Variants in SCN8A observed in about 807,000 individuals in gnomAD.
The protein encoded by SCN8A is sodium channel protein type 8 subunit alpha.
SCN8A carries 30 observed loss-of-function variants against 184.1 expected under a neutral mutation model. The observed-to-expected ratio is 0.16, with a 90% CI of 0.12 to 0.22. SCN8A has a LOEUF of 0.22. SCN8A is among the 10% of genes least tolerant of loss of function. The probability of loss-of-function intolerance (pLI) is 1.00; values close to 1 mark genes in which losing one functional copy is unlikely to be tolerated. For synonymous variants in SCN8A, 852 were observed against 907.0 expected (o/e 0.94, Z 1.09); for missense variants, 1,057 against 2,498.9 (o/e 0.42, Z 12.30).
chr12:51,807,530 T>G lies in SCN8A; in HGVS notation c.*101T>G. ...ATCAATGCAGAACAGCTGTGGAGAC[T>G]CTAACCTGAAGATCTATACCAAACG... On this transcript the variant is annotated 3_prime_UTR_variant, in exon 27 of 27. Transcript: ENST00000627620. The surrounding 1 kb of genome is among the most constrained non-coding windows in gnomAD (Gnocchi z 4.5). 1 of 1,251,578 alleles carries G rather than the reference T, an allele frequency of 8.0e-7. No individual in the cohort carries two copies. The allele number at this position is 1,251,578 out of a possible 1,614,324, so 77.5% of individuals were successfully genotyped here.
chr12:51,712,592 C>T, intron 11 of SCN8A: 1 of 777,720 alleles, frequency 1.3e-6, no homozygotes, highest in East Asian at 2.4e-5. Flanking sequence ...CTGTTGTCCA[C>T]TATAATTTCT....
At chr12:51,774,108 C>A in intron 19 of SCN8A, 81 bp from the exon 20 acceptor site, 1 of 1,304,032 alleles carries the variant, frequency 7.7e-7, no homozygotes. Context: ...CCATGTGGGA[C>A]GGCTCCCTGA....
chr12:51,725,091 G>A lies in SCN8A; in HGVS notation c.1998+3183G>A, dbSNP rs116156429. ...ACTTGAGAATTCCCAAAGTCAGGAG[G>A]TCACAGTGGCAGGAAGATGAGGTAG... On this transcript the variant is annotated intron_variant, in intron 12 of 26. Transcript: ENST00000627620. 8.1e-3 allele frequency among the ~76,000 whole-genome samples: 1,241 copies of A among 152,294 alleles called. 8 individuals are homozygous for A. Among genetic ancestry groups the A allele is most frequent in the African/African-American group, 0.028 (1,148 of 41,556 alleles).
chr12:51,701,532 T>C (rs1159425997), intron 8 of SCN8A, among the ~76,000 whole-genome samples: 1 of 152,138 alleles, frequency 6.6e-6, no homozygotes, highest in Non-Finnish European at 1.5e-5. Flanking sequence ...ACCATCTTAG[T>C]GATGGTTATG....
intron 23 of SCN8A, among the ~76,000 whole-genome samples, 171 bp from the exon 24 acceptor site, chr12:51,789,110 C>T (rs1938170447): frequency 6.6e-6 from 1 of 152,166 alleles, no homozygotes; most frequent in Non-Finnish European, 1.5e-5. Flanking sequence ...CTAGTGTCCT[C>T]TCAAGGCAGG....
At chr12:51,655,442 C>G (rs1021749705) in intron 1 of SCN8A, among the ~76,000 whole-genome samples, 9 of 151,750 alleles carry the variant, frequency 5.9e-5, no homozygotes, top group African/African-American at 2.2e-4. Context: ...AGTGCAGTGG[C>G]ACCATCATGG....
chr12:51,735,721 C>T (rs879479997), intron 12 of SCN8A, among the ~76,000 whole-genome samples: 3 of 152,132 alleles, frequency 2.0e-5, no homozygotes, highest in South Asian at 2.1e-4. Flanking sequence ...TCCTCAGCAT[C>T]GGTCTCGACA....
chr12:51,643,626 C>G (rs924170383), intron 1 of SCN8A, among the ~76,000 whole-genome samples: 2 of 152,136 alleles, frequency 1.3e-5, no homozygotes, highest in Non-Finnish European at 2.9e-5. Flanking sequence ...TTAGAGCCAT[C>G]CTTATACTCT....
chr12:51,658,543 A>T (rs1355153946), intron 1 of SCN8A, among the ~76,000 whole-genome samples: 9 of 152,158 alleles, frequency 5.9e-5, no homozygotes, highest in Non-Finnish European at 1.0e-4. Flanking sequence ...ACACTATGCT[A>T]AGTGAAAGAA....
intron 14 of SCN8A, among the ~76,000 whole-genome samples, chr12:51,759,689 C>G (rs1942734021): frequency 6.6e-6 from 1 of 152,122 alleles, no homozygotes; most frequent in South Asian, 2.1e-4. Flanking sequence ...CTCAACTACC[C>G]TTTGAGAACT....
At chr12:51,713,121 C>T (rs975318496) in intron 11 of SCN8A, 14 of 1,243,208 alleles carry the variant, frequency 1.1e-5, no homozygotes, top group African/African-American at 2.9e-5. Flanking sequence ...TTTTTCCACT[C>T]TGCCTCTCTT....
intron 1 of SCN8A, among the ~76,000 whole-genome samples, chr12:51,652,060 G>C (rs971523405): frequency 1.3e-5 from 2 of 152,066 alleles, no homozygotes; most frequent in Non-Finnish European, 2.9e-5. Flanking sequence ...AGCTTCAGAA[G>C]CACATATCCT....
Position 51,781,053 on chromosome 12 carries a change from C to T in SCN8A, c.3942+282C>T, listed in dbSNP as rs759892738. On this transcript the variant is annotated intron_variant, in intron 21 of 26. Transcript: ENST00000627620. ...CCTGGCTTACCTGTAGCACTCGGGG[C>T]GGCTTTCTGGGCTGTTGATTTAATA... Among the ~76,000 whole-genome samples, 126 of 152,238 alleles carry T rather than the reference C, an allele frequency of 8.3e-4. 2 individuals are homozygous for T. Among genetic ancestry groups the T allele is most frequent in the Admixed American group, 8.5e-4 (13 of 15,298 alleles).
chr12:51,802,361 CAG>C (rs1429917910), intron 26 of SCN8A, among the ~76,000 whole-genome samples: 2 of 152,124 alleles, frequency 1.3e-5, no homozygotes, highest in Non-Finnish European at 2.9e-5. Context: ...AAAAGGCTGT[CAG>C]AGTTTACAAG....
chr12:51,752,241 T>C (rs893915324), intron 14 of SCN8A, among the ~76,000 whole-genome samples: 2 of 152,214 alleles, frequency 1.3e-5, no homozygotes, highest in Non-Finnish European at 2.9e-5. Flanking sequence ...TAATTGAATT[T>C]TGATAGATAG....
chr12:51,768,803 A>T, intron 16 of SCN8A, 62 bp from the exon 17 acceptor site: 1 of 1,413,794 alleles, frequency 7.1e-7, no homozygotes, highest in South Asian at 1.5e-5. Context: ...CCAGTTTGCA[A>T]CCCTGAGTTC....
intron 1 of SCN8A, among the ~76,000 whole-genome samples, chr12:51,633,237 G>A (rs1216122575): frequency 6.6e-6 from 1 of 152,128 alleles, no homozygotes; most frequent in Non-Finnish European, 1.5e-5. Flanking sequence ...GTATGTGTGT[G>A]CATACTCATA....
intron 13 of SCN8A, among the ~76,000 whole-genome samples, chr12:51,750,643 T>C (rs559453355): frequency 1.3e-5 from 2 of 152,334 alleles, no homozygotes; most frequent in South Asian, 4.1e-4. Flanking sequence ...CTAATGAAGA[T>C]AATAATAATA....
chr12:51,741,015 G>A (rs1473968704), intron 12 of SCN8A, among the ~76,000 whole-genome samples: 1 of 152,012 alleles, frequency 6.6e-6, no homozygotes, highest in Non-Finnish European at 1.5e-5. Flanking sequence ...CAAACTCCTG[G>A]GCTCCAGAAA....
Sources: allele counts gnomAD v4.1 joint callset (sites outside exome capture counted in the v4.1 genomes callset), GRCh38; gene constraint gnomAD v4.1.1; non-coding constraint Gnocchi (gnomAD v3.1); transcripts MANE v1.5; gene names NCBI Gene and HGNC (gene_info 2026-07-23, HGNC 2026-07-21).